The following SLC39A10 variants were observed in gnomAD, a reference collection of about 807,000 sequenced individuals.
SLC39A10 encodes the protein solute carrier family 39 member 10.
A neutral mutation model predicts 65.1 loss-of-function variants in SLC39A10; 13 were observed. The observed-to-expected ratio is 0.20, with a 90% CI of 0.13 to 0.32. SLC39A10 has a LOEUF of 0.32. Ranked by LOEUF, SLC39A10 falls within the 10% of genes least tolerant of loss-of-function variation. The probability of loss-of-function intolerance (pLI) is 1.00; values close to 1 mark genes in which losing one functional copy is unlikely to be tolerated. For missense variants in SLC39A10, 831 were observed against 1,018.4 expected (o/e 0.82, Z 2.50); for synonymous variants, 321 against 342.2 (o/e 0.94, Z 0.68).
At chr2:195,634,583 T>C (rs919291626) in intron 2 of SLC39A10, among the ~76,000 whole-genome samples, 1 of 152,172 alleles carries the variant, frequency 6.6e-6, no homozygotes, top group Non-Finnish European at 1.5e-5. Flanking sequence ...TTTGGGTCTT[T>C]TGAATATTGA....
intron 2 of SLC39A10, among the ~76,000 whole-genome samples, chr2:195,636,670 T>G (rs1688702738): frequency 1.3e-5 from 2 of 152,100 alleles, no homozygotes; most frequent in Non-Finnish European, 1.5e-5. Flanking sequence ...GGAGAATGGC[T>G]TGAACCTGGG....
intron 2 of SLC39A10, among the ~76,000 whole-genome samples, chr2:195,636,614 G>T (rs867386872): frequency 1.3e-5 from 2 of 152,124 alleles, no homozygotes; most frequent in East Asian, 1.9e-4. Context: ...TTAGTTGGGC[G>T]TGGTGGCGGG....
At chr2:195,635,690 T>C (rs1180418653) in intron 2 of SLC39A10, among the ~76,000 whole-genome samples, 1 of 130,620 alleles carries the variant, frequency 7.7e-6, no homozygotes, top group Admixed American at 9.3e-5. Context: ...GATTGCTTTT[T>C]TTGTGGAACC....
At chr2:195,613,981 G>A (rs1340176061) in intron 2 of SLC39A10, among the ~76,000 whole-genome samples, 1 of 152,154 alleles carries the variant, frequency 6.6e-6, no homozygotes, top group African/African-American at 2.4e-5. Flanking sequence ...TCCAATCTCA[G>A]TGGTCCTTCG....
intron 2 of SLC39A10, among the ~76,000 whole-genome samples, chr2:195,650,295 AAAAG>A (rs1326109643): frequency 0.013 from 1,239 of 94,526 alleles, 4 homozygotes; most frequent in Non-Finnish European, 0.022. Context: ...AAAAAAAAAA[AAAAG>A]AAAAGAAAAA....
At chr2:195,693,765 A>G (rs912818797) in intron 3 of SLC39A10, among the ~76,000 whole-genome samples, 11 of 151,868 alleles carry the variant, frequency 7.2e-5, no homozygotes, top group African/African-American at 2.7e-4. Context: ...TGTTTCATTT[A>G]TCTTTTGTAT....
chr2:195,686,183 C>T (rs1410771041), intron 3 of SLC39A10, among the ~76,000 whole-genome samples: 1 of 152,046 alleles, frequency 6.6e-6, no homozygotes, highest in Non-Finnish European at 1.5e-5. Flanking sequence ...AATTTTTAAA[C>T]ATTTCATAGC....
At chr2:195,706,441 AAGTT>A (rs749128810) in intron 3 of SLC39A10, among the ~76,000 whole-genome samples, 171 bp from the exon 4 acceptor site, 132 of 151,400 alleles carry the variant, frequency 8.7e-4, no homozygotes, top group Admixed American at 1.5e-3. Context: ...AAAAATGTTT[AAGTT>A]AGTTATATGT....
chr2:195,616,496 AG>A (rs1424723333), intron 2 of SLC39A10, among the ~76,000 whole-genome samples: 3 of 145,934 alleles, frequency 2.1e-5, no homozygotes, highest in Non-Finnish European at 3.0e-5. Context: ...TAGTAGAGAC[AG>A]GGTTTCAACA....
chr2:195,613,902 T>C (rs1288248562), intron 2 of SLC39A10, among the ~76,000 whole-genome samples: 1 of 152,226 alleles, frequency 6.6e-6, no homozygotes, highest in Non-Finnish European at 1.5e-5. Flanking sequence ...GTCAAACTTA[T>C]TAGCAATGTG....
Position 195,736,106 on chromosome 2 carries a change from G to T in SLC39A10, c.*1065G>T, listed in dbSNP as rs541511265. The T allele has an allele frequency of 1.3e-5, 2 of 152,572 alleles. No individual in the cohort carries two copies. The highest frequency in any genetic ancestry group is 2.9e-5 in the Non-Finnish European group (2 of 68,028). The allele number at this position is 152,572 out of a possible 1,614,324, so 9.5% of individuals were successfully genotyped here. Reference sequence around the variant, plus strand: ...GTACATGAAGTGTCAATTTAGAACAGTTACTAGGATAAACTCCATTATTGC... The same window carrying T: ...GTACATGAAGTGTCAATTTAGAACATTTACTAGGATAAACTCCATTATTGC... On this transcript the variant is annotated 3_prime_UTR_variant, in exon 10 of 10. Transcript: ENST00000359634.
chr2:195,690,626 G>T (rs1406339093), intron 3 of SLC39A10, among the ~76,000 whole-genome samples: 1 of 152,120 alleles, frequency 6.6e-6, no homozygotes, highest in Non-Finnish European at 1.5e-5. Flanking sequence ...GATTAGTGCT[G>T]TTGAGCATCT....
chr2:195,701,435 CTTTTTTTTTTTTTT>C (rs66525117), intron 3 of SLC39A10, among the ~76,000 whole-genome samples: 1 of 5,500 alleles, frequency 1.8e-4, no homozygotes, highest in Admixed American at 2.9e-3. Flanking sequence ...TTCTGTGATT[CTTTTTTTTTTTTTT>C]TTTTTTTTTT....
In SLC39A10 at chr2:195,728,194, G is replaced by A. The variant is rs1303684546; in HGVS notation, c.2182G>A (p.Val728Ile). 1.9e-6 allele frequency: 3 copies of A among 1,613,778 alleles called. No individual in the cohort carries two copies. The highest frequency in any genetic ancestry group is 3.3e-5 in the Admixed American group (2 of 60,010). Reference sequence around the variant, plus strand: ...AGTTCTTCTTAAAGCAGGCATGACTGTAAAGCAAGCAATTGTATACAACCT... The same window carrying A: ...AGTTCTTCTTAAAGCAGGCATGACTATAAAGCAAGCAATTGTATACAACCT... ...FAVLLKAGMT[V>I]KQAIVYNLLS... is the part of the protein sequence containing the mutation. The change falls in exon 9 of 10, where the codon GTA (valine) becomes ATA (isoleucine). Residue 728 changes from valine (V) to isoleucine (I), a missense_variant. By Grantham distance (29) the Val-to-Ile change is conservative. Transcript: ENST00000359634. The surrounding 1 kb of genome is among the most constrained non-coding windows in gnomAD (Gnocchi z 4.4).
chr2:195,701,467 C>T (rs1691190230), intron 3 of SLC39A10, among the ~76,000 whole-genome samples: 9 of 61,082 alleles, frequency 1.5e-4, no homozygotes, highest in Admixed American at 1.9e-4. Flanking sequence ...TTTTAATGTG[C>T]CTTGCTTTTT....
intron 2 of SLC39A10, among the ~76,000 whole-genome samples, chr2:195,628,522 A>G (rs1293195020): frequency 1.3e-5 from 2 of 152,210 alleles, no homozygotes; most frequent in Non-Finnish European, 2.9e-5. Flanking sequence ...AGGCACTGGG[A>G]TACAGATGGA....
chr2:195,617,032 A>G (rs1688231051), intron 2 of SLC39A10, among the ~76,000 whole-genome samples: 1 of 152,236 alleles, frequency 6.6e-6, no homozygotes, highest in Non-Finnish European at 1.5e-5. Flanking sequence ...AGTTAAACTT[A>G]CCAATATTTT....
At chr2:195,625,519 C>A (rs953761452) in intron 2 of SLC39A10, among the ~76,000 whole-genome samples, 4 of 151,814 alleles carry the variant, frequency 2.6e-5, no homozygotes, top group African/African-American at 9.7e-5. Flanking sequence ...TCAGGTGATC[C>A]GCCCGCCTCG....
intron 1 of SLC39A10, among the ~76,000 whole-genome samples, chr2:195,666,494 C>A (rs139369993): frequency 2.4e-3 from 369 of 152,252 alleles, no homozygotes; most frequent in Non-Finnish European, 4.4e-3. Flanking sequence ...GAACAATAAG[C>A]TGTTGCCAGG....
Sources: allele counts gnomAD v4.1 joint callset (sites outside exome capture counted in the v4.1 genomes callset), GRCh38; gene constraint gnomAD v4.1.1; non-coding constraint Gnocchi (gnomAD v3.1); transcripts MANE v1.5; gene names NCBI Gene and HGNC (gene_info 2026-07-23, HGNC 2026-07-21).